CARM1: variants seen among roughly 807,000 people sequenced by gnomAD.
CARM1 encodes coactivator associated arginine methyltransferase 1.
Under a neutral mutation model 72.7 loss-of-function variants are expected in CARM1, and 14 were observed. That is an observed-to-expected ratio of 0.19 (90% confidence interval 0.13 to 0.30). The LOEUF (loss-of-function observed/expected upper bound fraction) is 0.30. Among genes scored for constraint, CARM1 ranks in the 10% least tolerant of loss-of-function variants. CARM1 has a pLI of 1.00. For synonymous variants in CARM1, 333 were observed against 345.5 expected (o/e 0.96, Z 0.40); for missense variants, 432 against 833.7 (o/e 0.52, Z 5.93).
chr19:10,921,241 C>G, intron 14 of CARM1, 114 bp downstream of exon 14: 2 of 1,434,974 alleles, frequency 1.4e-6, no homozygotes, highest in Non-Finnish European at 2.0e-6. Flanking sequence ...TCACCTTTTC[C>G]TCTTCCTGGG....
chr19:10,884,452 T>C (rs957336605), intron 1 of CARM1, among the ~76,000 whole-genome samples: 3 of 151,200 alleles, frequency 2.0e-5, no homozygotes, highest in African/African-American at 7.3e-5. Flanking sequence ...CTCCCAAAGA[T>C]CTAGGATTAC....
intron 2 of CARM1, 67 bp downstream of exon 2, chr19:10,905,143 C>T (rs1340499578): frequency 1.4e-5 from 22 of 1,576,360 alleles, no homozygotes; most frequent in East Asian, 2.3e-5. Flanking sequence ...TGGGCAGGGG[C>T]GTAGAGCCTG....
In CARM1 at chr19:10,901,905, T is replaced by C. The variant is rs569932564; in HGVS notation, c.221-3046T>C. The stretch of plus-strand genomic sequence containing the variant: ...CAGAGGTTGCAGTGAGCCAAGATAG[T>C]GCTGCTGCACTCCAGCCTGGGCAAC... On this transcript the variant is annotated intron_variant, in intron 1 of 15. Transcript: ENST00000327064. Among the ~76,000 whole-genome samples, 57 of 151,956 alleles carry C rather than the reference T, an allele frequency of 3.8e-4. 1 individual carries two copies. The East Asian group carries it at 9.4e-3, about 25-fold the overall frequency.
In CARM1 at chr19:10,912,850, C is replaced by T. The variant is rs952337739; in HGVS notation, c.669+556C>T. On this transcript the variant is annotated intron_variant, in intron 5 of 15. Transcript: ENST00000327064. This position sits in a 1 kb window ranked among gnomAD's most constrained non-coding sequence, Gnocchi z 4.5. ...TGCTTTAGCTGCATTGTGTCCGCAG[C>T]GACACTCAGACTCCTTCCAGGTCTT... Among the ~76,000 whole-genome samples, 4 of 152,166 alleles carry T rather than the reference C, an allele frequency of 2.6e-5. No individual in the cohort carries two copies. The highest frequency in any genetic ancestry group is 1.9e-4 in the East Asian group (1 of 5,184).
At chr19:10,914,496 C>T (rs180765736) in intron 6 of CARM1, among the ~76,000 whole-genome samples, 91 of 152,330 alleles carry the variant, frequency 6.0e-4, no homozygotes, top group Non-Finnish European at 1.1e-3. Flanking sequence ...AGGTAGCTGT[C>T]TGGCAAGCCC....
intron 1 of CARM1, among the ~76,000 whole-genome samples, chr19:10,875,150 T>G (rs963984868): frequency 6.6e-6 from 1 of 152,152 alleles, no homozygotes; most frequent in Non-Finnish European, 1.5e-5. Context: ...GGATTCTCTC[T>G]CAGTTCATGG....
chr19:10,871,948 G>A lies in CARM1; in HGVS notation c.220+26G>A. On this transcript the variant is annotated intron_variant, in intron 1 of 15. Coordinates refer to ENST00000327064, the MANE Select transcript of CARM1 (RefSeq NM_199141.2). The surrounding 1 kb of genome is among the most constrained non-coding windows in gnomAD (Gnocchi z 5.6). ...GTGAGTACGGGGCCCCGGGGCAGGC[G>A]CAGGGCCGGGGCTGCTCACGAGGCC... 3 of 1,176,776 alleles carry A rather than the reference G, an allele frequency of 2.5e-6. No individual in the cohort carries two copies. The highest frequency in any genetic ancestry group is 4.6e-5 in the Admixed American group (1 of 21,738). The allele number at this position is 1,176,776 out of a possible 1,614,324, so 72.9% of individuals were successfully genotyped here.
At chr19:10,874,339 T>C (rs887062844) in intron 1 of CARM1, among the ~76,000 whole-genome samples, 5 of 152,106 alleles carry the variant, frequency 3.3e-5, no homozygotes, top group African/African-American at 4.8e-5. Context: ...GGTTCTGAAA[T>C]AATTTTTTTT....
In CARM1 at chr19:10,916,364, A is replaced by T; in HGVS notation, c.848-43A>T. On this transcript the variant is annotated intron_variant, in intron 6 of 15. Coordinates refer to ENST00000327064, the MANE Select transcript of CARM1 (RefSeq NM_199141.2). The surrounding 1 kb of genome is among the most constrained non-coding windows in gnomAD (Gnocchi z 4.4). ...TGGAAGCTCTGCCAGGCAGTGTGGG[A>T]TGTGTCACCTGACGCCAGCACCCCT... The T allele has an allele frequency of 9.0e-6, 12 of 1,336,564 alleles. No homozygotes were observed. The highest frequency in any genetic ancestry group is 1.3e-5 in the Non-Finnish European group (12 of 929,884). 82.8% of individuals were successfully genotyped at this position (1,336,564 alleles called of 1,614,324 possible).
At chr19:10,895,983 G>A (rs1284418678) in intron 1 of CARM1, among the ~76,000 whole-genome samples, 2 of 152,164 alleles carry the variant, frequency 1.3e-5, no homozygotes, top group Admixed American at 1.3e-4. Context: ...GAGTGTTGAA[G>A]GCCAGCGAGG....
In CARM1 at chr19:10,912,149, CTA is replaced by C. The variant is rs1361004906; in HGVS notation, c.559-33_559-32del. 1 of 1,516,758 alleles carries C rather than the reference CTA, an allele frequency of 6.6e-7. No homozygotes were observed. The highest frequency in any genetic ancestry group is 1.4e-5 in the African/African-American group (1 of 73,026). 94.0% of individuals were successfully genotyped at this position (1,516,758 alleles called of 1,614,324 possible). A position where few individuals can be genotyped will look rare whatever the true frequency, so the allele number is the denominator to read the frequency against. On this transcript the variant is annotated intron_variant, in intron 4 of 15. Transcript: ENST00000327064. This position sits in a 1 kb window ranked among gnomAD's most constrained non-coding sequence, Gnocchi z 4.5. ...GTCACCTCCCCATCACCGTCGCCTC[CTA>C]TGTCTCGCTCTCACCTCCCACTCCT...
intron 3 of CARM1, 124 bp from the exon 4 acceptor site, chr19:10,908,979 G>A: frequency 1.5e-6 from 1 of 653,020 alleles, no homozygotes; most frequent in South Asian, 1.7e-5. Context: ...CAGGCAGAGG[G>A]TGCACGACCT....
chr19:10,914,660 A>G (rs565621428), intron 6 of CARM1, among the ~76,000 whole-genome samples: 44 of 152,138 alleles, frequency 2.9e-4, no homozygotes, highest in Admixed American at 9.2e-4. Context: ...AGTTCAAGCA[A>G]TTTTTGTGCT....
rs141637640 is a variant in CARM1, at chr19:10,916,744, C to T, written c.987C>T (p.Ala329=). ...HGVDLSALRG[A]AVDEYFRQPV... ...TGGACCTGTCGGCCCTCCGAGGTGC[C>T]GCGGTGGATGAGTATTTCCGGCAGC... The change falls in exon 8 of 16, where the codon GCC becomes GCT. Residue 329 remains alanine (A), a synonymous_variant. Coordinates refer to ENST00000327064, the MANE Select transcript of CARM1 (RefSeq NM_199141.2). This position sits in a 1 kb window ranked among gnomAD's most constrained non-coding sequence, Gnocchi z 4.4. 55 of 1,552,454 alleles carry T rather than the reference C, an allele frequency of 3.5e-5. 1 individual carries two copies. Among genetic ancestry groups the T allele is most frequent in the African/African-American group, 2.7e-5 (2 of 73,322 alleles).
chr19:10,919,494 AG>A (rs1195219991), intron 8 of CARM1, 100 bp from the exon 9 acceptor site: 1 of 827,342 alleles, frequency 1.2e-6, no homozygotes, highest in Non-Finnish European at 2.0e-6. Context: ...TTAGCTGCAC[AG>A]CCTAGAAGCC....
At position 10,899,964 on chromosome 19, in the gene CARM1, G is replaced by A. The variant is rs148387704; in HGVS notation, c.221-4987G>A. On this transcript the variant is annotated intron_variant, in intron 1 of 15. Transcript: ENST00000327064. ...TCAAACTCCTGGGTTCAAGTGATCC[G>A]CCCACCTCCCAAAGTGCTGGAATTA... Among the ~76,000 whole-genome samples the A allele has an allele frequency of 7.2e-5, 11 of 152,090 alleles. No homozygotes were observed. In the East Asian group the frequency reaches 7.8e-4, roughly 11 times the overall value.
chr19:10,890,833 C>G (rs1207614222), intron 1 of CARM1, among the ~76,000 whole-genome samples: 3 of 102,344 alleles, frequency 2.9e-5, no homozygotes, highest in African/African-American at 8.1e-5. Context: ...TGGTATAGCT[C>G]TATCCTTCCT....
At chr19:10,872,621 C>T (rs994420880) in intron 1 of CARM1, among the ~76,000 whole-genome samples, 3 of 152,250 alleles carry the variant, frequency 2.0e-5, no homozygotes, top group East Asian at 1.9e-4. Flanking sequence ...CTCCCATCTT[C>T]TTTTGGGGGA....
intron 3 of CARM1, among the ~76,000 whole-genome samples, chr19:10,908,395 G>A (rs2145226586): frequency 6.6e-6 from 1 of 152,322 alleles, no homozygotes; most frequent in Non-Finnish European, 1.5e-5. Context: ...GGAGCTCAGG[G>A]CCACAGGCGT....
Sources: allele counts gnomAD v4.1 joint callset (sites outside exome capture counted in the v4.1 genomes callset), GRCh38; gene constraint gnomAD v4.1.1; non-coding constraint Gnocchi (gnomAD v3.1); transcripts MANE v1.5; gene names NCBI Gene and HGNC (gene_info 2026-07-23, HGNC 2026-07-21).